The following CACHD1 variants were observed in gnomAD, a reference collection of about 807,000 sequenced individuals.
The protein encoded by CACHD1 is VWFA and cache domain-containing protein 1.
A neutral mutation model predicts 138.7 loss-of-function variants in CACHD1; 71 were observed. The ratio of observed to expected loss-of-function variants is 0.51; its 90% CI spans 0.42 to 0.62. The LOEUF is 0.62. Among genes scored for constraint, CACHD1 ranks in the 20% least tolerant of loss-of-function variants. CACHD1 has a pLI of 0.00. For synonymous variants in CACHD1, 578 were observed against 591.5 expected (o/e 0.98, Z 0.33); for missense variants, 1,389 against 1,625.3 (o/e 0.85, Z 2.50).
chr1:64,494,444 G>A lies in CACHD1; in HGVS notation c.198+23502G>A, dbSNP rs562365547. Among the ~76,000 whole-genome samples, 5 of 152,214 alleles carry A rather than the reference G, an allele frequency of 3.3e-5. No homozygotes were observed. The Middle Eastern group carries it at 0.014, about 414-fold the overall frequency. Reference sequence around the variant, plus strand: ...GTGACATATCTCCAGCAGTTGTCACGGACGAGATTTATTTATATAGGATAG... The same window carrying A: ...GTGACATATCTCCAGCAGTTGTCACAGACGAGATTTATTTATATAGGATAG... On this transcript the variant is annotated intron_variant, in intron 1 of 26. Coordinates refer to ENST00000651257, the MANE Select transcript of CACHD1 (RefSeq NM_020925.4).
At chr1:64,618,717 C>T (rs567571933) in intron 4 of CACHD1, among the ~76,000 whole-genome samples, 10 of 152,164 alleles carry the variant, frequency 6.6e-5, no homozygotes, top group Non-Finnish European at 1.5e-4. Context: ...ATTTTCTTCT[C>T]CTCCAAAATG....
intron 14 of CACHD1, 84 bp downstream of exon 14, chr1:64,663,921 G>A: frequency 1.3e-6 from 2 of 1,554,336 alleles, no homozygotes; most frequent in Non-Finnish European, 1.8e-6. Context: ...TTTGAAGTAG[G>A]AAACCCAGCT....
intron 3 of CACHD1, among the ~76,000 whole-genome samples, chr1:64,590,284 C>T (rs370700368): frequency 1.8e-4 from 25 of 141,270 alleles, no homozygotes; most frequent in African/African-American, 6.4e-4. Context: ...ATCGGCGCCA[C>T]GGCACTCCAG....
intron 3 of CACHD1, among the ~76,000 whole-genome samples, chr1:64,594,737 T>G (rs1176352814): frequency 1.3e-5 from 2 of 152,264 alleles, no homozygotes; most frequent in Non-Finnish European, 2.9e-5. Flanking sequence ...GATTTTTCTT[T>G]CTTTTTAAAA....
intron 1 of CACHD1, among the ~76,000 whole-genome samples, chr1:64,510,408 G>T (rs1363498894): frequency 6.6e-6 from 1 of 152,130 alleles, no homozygotes; most frequent in Non-Finnish European, 1.5e-5. Flanking sequence ...ATTAAGGACT[G>T]TTACCTGGGA....
At chr1:64,658,647 C>G in intron 12 of CACHD1, 58 bp from the exon 13 acceptor site, 1 of 1,348,448 alleles carries the variant, frequency 7.4e-7, no homozygotes. Flanking sequence ...TATGCAAAGT[C>G]CCTGTCCCCA....
chr1:64,486,114 A>G (rs1379109308), intron 1 of CACHD1, among the ~76,000 whole-genome samples: 1 of 152,172 alleles, frequency 6.6e-6, no homozygotes, highest in Non-Finnish European at 1.5e-5. Context: ...TCTAATGAAC[A>G]ATGATGCTGA....
intron 1 of CACHD1, among the ~76,000 whole-genome samples, chr1:64,492,906 T>G (rs1646286525): frequency 6.6e-6 from 1 of 152,204 alleles, no homozygotes. Flanking sequence ...GTTGCCCTTG[T>G]GAGATACTTA....
At chr1:64,597,476 G>A (rs370817113) in intron 3 of CACHD1, among the ~76,000 whole-genome samples, 1 of 146,476 alleles carries the variant, frequency 6.8e-6, no homozygotes, top group Non-Finnish European at 1.5e-5. Context: ...ATGCAGTTTC[G>A]ATCAGTTGTT....
At chr1:64,673,635 A>C (rs1390895577) in intron 19 of CACHD1, among the ~76,000 whole-genome samples, 171 bp downstream of exon 19, 2 of 152,150 alleles carry the variant, frequency 1.3e-5, no homozygotes, top group Non-Finnish European at 2.9e-5. Flanking sequence ...GACAATTGGG[A>C]GATATAAAGC....
chr1:64,554,628 G>A (rs1017262542), intron 2 of CACHD1, among the ~76,000 whole-genome samples: 1 of 152,142 alleles, frequency 6.6e-6, no homozygotes, highest in East Asian at 1.9e-4. Context: ...ACACCTTTTT[G>A]CATGCTTATA....
chr1:64,654,662 ATT>A, intron 11 of CACHD1, 22 bp from the exon 12 acceptor site: 1 of 1,547,510 alleles, frequency 6.5e-7, no homozygotes, highest in Non-Finnish European at 8.9e-7. Context: ...TGCCTGAAAT[ATT>A]TAATTCTGTT....
intron 22 of CACHD1, 22 bp downstream of exon 22, chr1:64,677,033 AT>A: frequency 1.3e-6 from 2 of 1,551,524 alleles, no homozygotes; most frequent in Middle Eastern, 1.7e-4. Context: ...CTAGTAAAGA[AT>A]TGAGGTTTTC....
In CACHD1 at chr1:64,647,957, G is replaced by A. The variant is rs1449934831; in HGVS notation, c.1313G>A (p.Arg438Lys). 1.2e-6 allele frequency: 2 copies of A among 1,614,042 alleles called. No homozygotes were observed. Among genetic ancestry groups the A allele is most frequent in the East Asian group, 4.5e-5 (2 of 44,864 alleles). The stretch of plus-strand genomic sequence containing the variant: ...AGCAACCTGGAGACCACAGTGGGCA[G>A]GTTCTACACAAACCTTCCCAACCGG... ...QLSNLETTVG[R>K]FYTNLPNRMI... Residue 438 changes from arginine to lysine, a missense_variant, in exon 9 of 27, where the codon AGG becomes AAG. By Grantham distance (26) the Arg-to-Lys change is conservative. Coordinates refer to ENST00000651257, the MANE Select transcript of CACHD1 (RefSeq NM_020925.4).
At chr1:64,617,614 G>GC (rs1413071087) in intron 4 of CACHD1, among the ~76,000 whole-genome samples, 41 of 152,158 alleles carry the variant, frequency 2.7e-4, no homozygotes, top group African/African-American at 9.9e-4. Flanking sequence ...TTATTGAATT[G>GC]CCCCAAGGAA....
chr1:64,512,789 A>G (rs1256885246), intron 1 of CACHD1, among the ~76,000 whole-genome samples: 3 of 152,232 alleles, frequency 2.0e-5, no homozygotes, highest in African/African-American at 7.2e-5. Flanking sequence ...TTGGCGGGGT[A>G]GAACTTGGTT....
chr1:64,578,621 G>T (rs1455207155), intron 2 of CACHD1, among the ~76,000 whole-genome samples: 1 of 152,170 alleles, frequency 6.6e-6, no homozygotes, highest in African/African-American at 2.4e-5. Flanking sequence ...TCATCAAGGG[G>T]CTACTCTGGG....
At chr1:64,643,268 A>AG (rs201320373) in intron 8 of CACHD1, among the ~76,000 whole-genome samples, 3,965 of 152,072 alleles carry the variant, frequency 0.026, 91 homozygotes, top group South Asian at 0.11. Context: ...TCCTCTTAGG[A>AG]GGGGTTCAGG....
In CACHD1 at chr1:64,629,128, T is replaced by A. The variant is rs1174850436; in HGVS notation, c.518-227T>A. ...CAATCCAAGACATATAATGTCATGGTACAATATTAAGAGTAATAACTTCAC... is the reference window on the plus strand; with the variant it reads ...CAATCCAAGACATATAATGTCATGGAACAATATTAAGAGTAATAACTTCAC... On this transcript the variant is annotated intron_variant, in intron 4 of 26. Transcript: ENST00000651257. Among the ~76,000 whole-genome samples the A allele has an allele frequency of 3.3e-5, 5 of 152,212 alleles. No homozygotes were observed. The East Asian group carries it at 7.7e-4, about 23-fold the overall frequency.
Sources: gnomAD v4.1 joint callset for allele counts (sites outside exome capture counted in the v4.1 genomes callset) on GRCh38, gnomAD v4.1.1 for gene constraint, MANE v1.5 for transcripts, NCBI Gene and HGNC (gene_info 2026-07-23, HGNC 2026-07-21) for gene names.